The following SORCS1 variants were observed in gnomAD, a reference collection of about 807,000 sequenced individuals.
SORCS1 encodes the protein VPS10 domain-containing receptor SorCS1.
In SORCS1, 60 loss-of-function variants were observed where a neutral mutation model predicts 146.1. The ratio of observed to expected loss-of-function variants is 0.41; its 90% CI spans 0.33 to 0.51. The LOEUF is 0.51. Among genes scored for constraint, SORCS1 ranks in the 20% least tolerant of loss-of-function variants. The pLI, the probability that SORCS1 is intolerant of heterozygous loss-of-function variation, is 0.21. For missense variants in SORCS1, 1,352 were observed against 1,487.6 expected (o/e 0.91, Z 1.50); for synonymous variants, 637 against 584.0 (o/e 1.09, Z -1.31).
intron 1 of SORCS1, among the ~76,000 whole-genome samples, chr10:107,133,838 A>G (rs939143030): frequency 6.6e-6 from 1 of 152,232 alleles, no homozygotes; most frequent in Non-Finnish European, 1.5e-5. Flanking sequence ...ACAGATCCCC[A>G]GCTTTCAACT....
At chr10:106,641,874 G>A (rs1337290073) in intron 18 of SORCS1, among the ~76,000 whole-genome samples, 3 of 151,722 alleles carry the variant, frequency 2.0e-5, no homozygotes. Context: ...TCTACTTCAT[G>A]TCATTAGATT....
At chr10:106,961,211 T>C (rs531053707) in intron 1 of SORCS1, among the ~76,000 whole-genome samples, 195 of 152,340 alleles carry the variant, frequency 1.3e-3, no homozygotes, top group African/African-American at 4.3e-3. Context: ...TTTACAGGTA[T>C]GCGTTGAAAT....
chr10:106,727,916 C>T (rs79344630), intron 6 of SORCS1, among the ~76,000 whole-genome samples: 2,094 of 152,164 alleles, frequency 0.014, 49 homozygotes, highest in African/African-American at 0.048. Context: ...CTGCAGGCAA[C>T]GAGTGAGGAG....
At chr10:106,858,485 T>C (rs1259051993) in intron 2 of SORCS1, among the ~76,000 whole-genome samples, 1 of 151,148 alleles carries the variant, frequency 6.6e-6, no homozygotes, top group East Asian at 2.0e-4. Flanking sequence ...CTGGGTGTGG[T>C]GGCAGGCACC....
chr10:106,784,528 T>C (rs553563406), intron 3 of SORCS1, among the ~76,000 whole-genome samples: 2 of 152,260 alleles, frequency 1.3e-5, no homozygotes, highest in African/African-American at 4.8e-5. Flanking sequence ...ACCTTAAAAA[T>C]CTCATTATCC....
intron 22 of SORCS1, among the ~76,000 whole-genome samples, chr10:106,610,672 C>G (rs2133408366): frequency 6.6e-6 from 1 of 152,282 alleles, no homozygotes; most frequent in South Asian, 2.1e-4. Context: ...GATTTTCATT[C>G]TGAGCTAAGA....
chr10:106,836,180 A>G (rs1948773031), intron 2 of SORCS1, among the ~76,000 whole-genome samples: 1 of 152,140 alleles, frequency 6.6e-6, no homozygotes, highest in Admixed American at 6.5e-5. Context: ...AAGACTACAG[A>G]ACTTGGGAGG....
intron 1 of SORCS1, among the ~76,000 whole-genome samples, chr10:107,027,485 G>T (rs1221211553): frequency 3.9e-5 from 6 of 152,142 alleles, no homozygotes; most frequent in Non-Finnish European, 1.5e-5. Flanking sequence ...GTGGCAGCGT[G>T]ACATTATCAC....
At chr10:107,157,954 G>C (rs546568654) in intron 1 of SORCS1, among the ~76,000 whole-genome samples, 1 of 152,092 alleles carries the variant, frequency 6.6e-6, no homozygotes, top group South Asian at 2.1e-4. Flanking sequence ...ACAAAATAAG[G>C]GACAGTAATT....
intron 3 of SORCS1, among the ~76,000 whole-genome samples, chr10:106,808,340 A>G (rs939108005): frequency 1.3e-5 from 2 of 152,076 alleles, no homozygotes; most frequent in African/African-American, 4.8e-5. Flanking sequence ...TAAATATTAA[A>G]TTCAGCTCAA....
chr10:106,879,826 C>A (rs1330041729), intron 2 of SORCS1, among the ~76,000 whole-genome samples: 2 of 152,154 alleles, frequency 1.3e-5, no homozygotes, highest in East Asian at 3.8e-4. Flanking sequence ...CCTGAATCAG[C>A]ACAGAAGAGA....
At chr10:106,724,541 A>C (rs553577564) in intron 6 of SORCS1, among the ~76,000 whole-genome samples, 6 of 151,944 alleles carry the variant, frequency 3.9e-5, no homozygotes, top group African/African-American at 1.4e-4. Context: ...AAAAATAAAA[A>C]AATAAAAATA....
At chr10:107,150,457 T>C (rs1386217982) in intron 1 of SORCS1, among the ~76,000 whole-genome samples, 1 of 152,134 alleles carries the variant, frequency 6.6e-6, no homozygotes, top group East Asian at 1.9e-4. Context: ...CATGCAAGAG[T>C]GGCTACCTGT....
chr10:106,954,613 C>A (rs1048187291), intron 2 of SORCS1, among the ~76,000 whole-genome samples: 83 of 152,248 alleles, frequency 5.5e-4, no homozygotes, highest in African/African-American at 2.0e-3. Context: ...ACTACTATCA[C>A]AATAATTTTT....
At chr10:106,613,545 G>C (rs1483080650) in intron 21 of SORCS1, among the ~76,000 whole-genome samples, 1 of 152,158 alleles carries the variant, frequency 6.6e-6, no homozygotes, top group East Asian at 1.9e-4. Flanking sequence ...CCTAGCCCTA[G>C]CTTGGTGATA....
chr10:106,886,709 G>A (rs546116498), intron 2 of SORCS1, among the ~76,000 whole-genome samples: 25 of 152,316 alleles, frequency 1.6e-4, no homozygotes, highest in Non-Finnish European at 4.4e-5. Flanking sequence ...ATACAGAAAA[G>A]CTATGCAGCA....
chr10:106,632,567 A>C (rs949514576), intron 18 of SORCS1, among the ~76,000 whole-genome samples: 11 of 152,202 alleles, frequency 7.2e-5, no homozygotes, highest in African/African-American at 2.2e-4. Context: ...TCATTCACTC[A>C]TTCACCCAAC....
chr10:107,004,154 C>T (rs779518838), intron 1 of SORCS1, among the ~76,000 whole-genome samples: 13 of 118,510 alleles, frequency 1.1e-4, no homozygotes, highest in Admixed American at 2.3e-4. Context: ...CCAGCCTGGG[C>T]GACAGAGTGT....
intron 24 of SORCS1, among the ~76,000 whole-genome samples, chr10:106,597,052 A>C (rs1782555588): frequency 6.6e-6 from 1 of 152,100 alleles, no homozygotes; most frequent in Admixed American, 6.5e-5. Context: ...GGGTTTCACC[A>C]CGTTGGTCAG....
Sources: allele counts gnomAD v4.1 joint callset (sites outside exome capture counted in the v4.1 genomes callset), GRCh38; gene constraint gnomAD v4.1.1; transcripts MANE v1.5; gene names NCBI Gene and HGNC (gene_info 2026-07-23, HGNC 2026-07-21).